OTOG: variants seen among roughly 807,000 people sequenced by gnomAD.
The protein encoded by OTOG is otogelin.
In OTOG, 296 loss-of-function variants were observed where a neutral mutation model predicts 313.8. The observed-to-expected ratio is 0.94, with a 90% CI of 0.86 to 1.04. OTOG has a LOEUF of 1.04. OTOG is among the 50% of genes least tolerant of loss of function. OTOG has a pLI of 0.00. For synonymous variants in OTOG, 1,533 were observed against 1,554.9 expected, an observed-to-expected ratio of 0.99 and a Z score of 0.33; for missense variants, 3,948 against 3,840.1, an observed-to-expected ratio of 1.03 and a Z score of -0.74.
chr11:17,598,796 A>G (rs1853174173), intron 30 of OTOG, among the ~76,000 whole-genome samples: 1 of 152,176 alleles, frequency 6.6e-6, no homozygotes. Flanking sequence ...TTTCTGGTTC[A>G]GCCTTCTGAG....
At chr11:17,626,164 CTGTT>C (rs1426147866) in intron 39 of OTOG, among the ~76,000 whole-genome samples, 1 of 151,974 alleles carries the variant, frequency 6.6e-6, no homozygotes, top group African/African-American at 2.4e-5. Context: ...GTCTATATGT[CTGTT>C]TCTTTGTTTG....
intron 14 of OTOG, 36 bp from the exon 15 acceptor site, chr11:17,561,626 G>A (rs1852185957): frequency 1.3e-6 from 2 of 1,549,602 alleles, no homozygotes; most frequent in Non-Finnish European, 1.7e-6. Flanking sequence ...CCCTGGGGCG[G>A]CTCCCATGGG....
intron 13 of OTOG, 50 bp from the exon 14 acceptor site, chr11:17,561,041 G>T: frequency 2.6e-6 from 4 of 1,544,890 alleles, no homozygotes; most frequent in Non-Finnish European, 3.5e-6. Flanking sequence ...CCAGCATCTA[G>T]CTCAGGCCTG....
At chr11:17,635,261 G>A in intron 46 of OTOG, 74 bp downstream of exon 46, 1 of 1,239,896 alleles carries the variant, frequency 8.1e-7, no homozygotes, top group Non-Finnish European at 1.1e-6. Flanking sequence ...GTGTCCTTGG[G>A]CAGCTGGGAG....
At chr11:17,614,540 C>A (rs1853677806) in intron 39 of OTOG, among the ~76,000 whole-genome samples, 1 of 152,194 alleles carries the variant, frequency 6.6e-6, no homozygotes. Context: ...CCACCTCCAA[C>A]CAGGATATAG....
chr11:17,557,352 G>T (rs1852078525), intron 8 of OTOG, 29 bp downstream of exon 8: 2 of 1,546,928 alleles, frequency 1.3e-6, no homozygotes, highest in East Asian at 2.4e-5. Flanking sequence ...GCCTCTGAGG[G>T]GTGTTGGTGG....
In OTOG at chr11:17,635,995, C is replaced by T. The variant is rs2133711533; in HGVS notation, c.7795+284C>T. Among the ~76,000 whole-genome samples the T allele has an allele frequency of 2.0e-5, 3 of 152,296 alleles. No homozygotes were observed. The South Asian group carries it at 6.2e-4, about 32-fold the overall frequency. ...AGGACAAATACTTGGGTCCCTCCAT[C>T]CCCCACAGCACTGATAAGAAGTCCT... On this transcript the variant is annotated intron_variant, in intron 47 of 55. Transcript: ENST00000399397.
At chr11:17,593,851 A>G (rs1431645653) in intron 27 of OTOG, 95 bp downstream of exon 27, 5 of 1,465,438 alleles carry the variant, frequency 3.4e-6, no homozygotes, top group Middle Eastern at 2.4e-4. Context: ...AGGAGCCAAG[A>G]AGAGCATGCC....
intron 30 of OTOG, 100 bp downstream of exon 30, chr11:17,597,107 T>G (rs1035720553): frequency 3.8e-5 from 53 of 1,407,354 alleles, no homozygotes; most frequent in Middle Eastern, 5.1e-4. Flanking sequence ...ACTGAGTACT[T>G]AGAATGTACC....
chr11:17,641,799 G>T (rs1208416445), intron 51 of OTOG, 48 bp from the exon 52 acceptor site: 33 of 1,365,706 alleles, frequency 2.4e-5, no homozygotes, highest in Non-Finnish European at 3.2e-5. Flanking sequence ...GGGAGAGCCA[G>T]GGTGGAGGTG....
chr11:17,634,105 G>A lies in OTOG; in HGVS notation c.7304G>A (p.Gly2435Glu), dbSNP rs757366155. 4 of 1,548,232 alleles carry A rather than the reference G, an allele frequency of 2.6e-6. No homozygotes were observed. The South Asian group carries it at 3.6e-5, about 14-fold the overall frequency. The change falls in exon 44 of 56, where the codon GGG becomes GAG. Residue 2435 changes from glycine (G) to glutamate (E), a missense_variant. Gly to Glu is a moderately conservative substitution (Grantham distance 98). Transcript: ENST00000399397. ...AGCATGGGGGTGCCGAGGGCCCTGG[G>A]GGAGACCTGGAACAGCTCCCTCAGC... ...TDSMGVPRAL[G>E]ETWNSSLSGC...
chr11:17,555,294 C>A (rs1453725635), intron 6 of OTOG, among the ~76,000 whole-genome samples: 2 of 151,572 alleles, frequency 1.3e-5, no homozygotes, highest in African/African-American at 2.4e-5. Flanking sequence ...ACAATCTGTA[C>A]CTGCCAGGGG....
chr11:17,612,956 T>A (rs749362844), intron 38 of OTOG, among the ~76,000 whole-genome samples, 191 bp downstream of exon 38: 79 of 151,974 alleles, frequency 5.2e-4, no homozygotes, highest in Non-Finnish European at 1.0e-3. Flanking sequence ...AAGAATTGAG[T>A]GGAGTGTGCC....
chr11:17,551,945 G>A (rs1280691070), intron 3 of OTOG, 55 bp from the exon 4 acceptor site: 7 of 1,501,548 alleles, frequency 4.7e-6, no homozygotes, highest in South Asian at 1.2e-5. Flanking sequence ...AGCCTGCCTG[G>A]GAACCCGTCC....
intron 48 of OTOG, 67 bp from the exon 49 acceptor site, chr11:17,639,356 G>C (rs1340721579): frequency 2.6e-6 from 4 of 1,516,090 alleles, no homozygotes; most frequent in Non-Finnish European, 3.6e-6. Context: ...GAGAGGTCCA[G>C]GGTACCCAGG....
intron 47 of OTOG, among the ~76,000 whole-genome samples, chr11:17,637,457 C>T (rs1368999709): frequency 1.3e-5 from 2 of 152,144 alleles, no homozygotes; most frequent in East Asian, 1.9e-4. Flanking sequence ...AGAGAGTTCC[C>T]GCTTCTGGAC....
At chr11:17,591,866 T>G (rs1171328156) in intron 25 of OTOG, among the ~76,000 whole-genome samples, 1 of 152,358 alleles carries the variant, frequency 6.6e-6, no homozygotes, top group East Asian at 1.9e-4. Context: ...GCTAATGCTT[T>G]TTGAGCTTTA....
chr11:17,551,750 T>C (rs956801435), intron 3 of OTOG, among the ~76,000 whole-genome samples: 10 of 152,220 alleles, frequency 6.6e-5, no homozygotes, highest in South Asian at 2.1e-4. Context: ...ATGGGCCTCA[T>C]GGTCTGCCGC....
chr11:17,629,151 C>T lies in OTOG; in HGVS notation c.6547C>T (p.Pro2183Ser). ...TCCCAAGGTGACTGTGGACTTGCAG[C>T]CTGTGTGGCCACCGGTGAGCAGGTA... ...FNRKVTVDLQ[P>S]VWPPVSRYGF... Residue 2183 changes from proline to serine, a missense_variant, in exon 40 of 56, where the codon CCT becomes TCT. Pro to Ser is a moderately conservative substitution (Grantham distance 74). Coordinates refer to ENST00000399397, the MANE Select transcript of OTOG (RefSeq NM_001292063.2). 2.6e-6 allele frequency: 4 copies of T among 1,550,102 alleles called. No homozygotes were observed. The highest frequency in any genetic ancestry group is 2.0e-5 in the Admixed American group (1 of 50,952).
Sources: allele counts gnomAD v4.1 joint callset (sites outside exome capture counted in the v4.1 genomes callset), GRCh38; gene constraint gnomAD v4.1.1; transcripts MANE v1.5; gene names NCBI Gene and HGNC (gene_info 2026-07-23, HGNC 2026-07-21).